Variants in TMEM71 observed in about 807,000 individuals in gnomAD.
TMEM71 encodes transmembrane protein 71.
In TMEM71, 44 loss-of-function variants were observed where a neutral mutation model predicts 38.0. That is an observed-to-expected ratio of 1.16 (90% confidence interval 0.91 to 1.49). The LOEUF is 1.49. Ranked by LOEUF, TMEM71 falls within the 40% of genes most tolerant of loss-of-function variation. TMEM71 has a pLI of 0.00. For synonymous variants in TMEM71, 133 were observed against 122.5 expected (o/e 1.09, Z -0.56); for missense variants, 367 against 348.6 (o/e 1.05, Z -0.42).
rs28505914 is a variant in TMEM71, at chr8:132,721,935, C to T, written c.752+105G>A. The T allele has an allele frequency of 6.8e-3, 6,641 of 980,284 alleles. 288 individuals are homozygous for T. In the African/African-American group the frequency reaches 0.092, roughly 14 times the overall value. The allele number at this position is 980,284 out of a possible 1,614,324, so 60.7% of individuals were successfully genotyped here. A position where few individuals can be genotyped will look rare whatever the true frequency, so the allele number is the denominator to read the frequency against. On this transcript the variant is annotated intron_variant, in intron 7 of 9. Transcript: ENST00000677595. Reference sequence around the variant, plus strand: ...CAGACACATGAACGAATCTCAACCACAGAGCTACCTAAAATGTTTTGTGGA... The same window carrying T: ...CAGACACATGAACGAATCTCAACCATAGAGCTACCTAAAATGTTTTGTGGA...
At chr8:132,735,379 C>T (rs1233191506) in intron 5 of TMEM71, among the ~76,000 whole-genome samples, 1 of 152,144 alleles carries the variant, frequency 6.6e-6, no homozygotes, top group African/African-American at 2.4e-5. Context: ...AACAGCAAAA[C>T]AATTTAATTT....
At chr8:132,764,566 C>T (rs951617009), upstream of TMEM71, among the ~76,000 whole-genome samples, 1 of 152,204 alleles carries the variant, frequency 6.6e-6, no homozygotes, top group Non-Finnish European at 1.5e-5. Context: ...CCTCAACAGG[C>T]CCCATCTGTC....
intron 7 of TMEM71, 26 bp from the exon 8 acceptor site, chr8:132,714,241 TA>T: frequency 6.4e-7 from 1 of 1,572,226 alleles, no homozygotes; most frequent in Non-Finnish European, 8.7e-7. Flanking sequence ...TGCTCTGATT[TA>T]GCATACTAAT....
At chr8:132,745,539 G>A (rs560719904) in intron 5 of TMEM71, among the ~76,000 whole-genome samples, 35 of 152,272 alleles carry the variant, frequency 2.3e-4, no homozygotes, top group African/African-American at 8.4e-4. Context: ...ATGTTGATGA[G>A]GCTGCAGAGA....
At chr8:132,716,373 G>A (rs933440323) in intron 7 of TMEM71, among the ~76,000 whole-genome samples, 3 of 152,202 alleles carry the variant, frequency 2.0e-5, no homozygotes, top group Admixed American at 6.5e-5. Context: ...TCAGAGTCAT[G>A]GCAGTGAAGA....
Position 132,722,120 on chromosome 8 carries a change from T to C in TMEM71, c.677-5A>G, listed in dbSNP as rs1380225701. The C allele has an allele frequency of 2.5e-6, 4 of 1,607,374 alleles. No homozygotes were observed. The highest frequency in any genetic ancestry group is 2.2e-5 in the East Asian group (1 of 44,704). On this transcript the variant is annotated splice_region_variant and splice_polypyrimidine_tract_variant and intron_variant, in intron 6 of 9. Coordinates refer to ENST00000677595, the MANE Select transcript of TMEM71 (RefSeq NM_001382403.1). ...CCTCTTGCAACAACCTGGTTTCTAA[T>C]AGGAAGAACAAAAACAAATAAATTA...
the TMEM71 span, among the ~76,000 whole-genome samples, chr8:132,766,910 T>C: frequency 6.6e-6 from 1 of 152,126 alleles, no homozygotes; most frequent in Non-Finnish European, 1.5e-5. Flanking sequence ...TCTACATCAA[T>C]GTGGTTTCTC....
chr8:132,713,637 T>C (rs1323455025), intron 9 of TMEM71, among the ~76,000 whole-genome samples: 1 of 152,196 alleles, frequency 6.6e-6, no homozygotes, highest in Non-Finnish European at 1.5e-5. Flanking sequence ...GTAACTGAGA[T>C]CATTTCATGG....
At chr8:132,758,177 G>A (rs2467960) in intron 2 of TMEM71, 55,300 of 152,016 alleles carry the variant, frequency 0.36, 10,638 homozygotes, top group Non-Finnish European at 0.44. Flanking sequence ...CCATTCATTC[G>A]TTCCATTTTA....
intron 5 of TMEM71, 47 bp from the exon 6 acceptor site, chr8:132,728,033 TG>T: frequency 7.1e-7 from 1 of 1,406,374 alleles, no homozygotes; most frequent in Non-Finnish European, 9.8e-7. Flanking sequence ...TGTGTGTGTG[TG>T]TGTGTGTGTG....
At chr8:132,766,664 G>A in the TMEM71 span, among the ~76,000 whole-genome samples, 1 of 152,052 alleles carries the variant, frequency 6.6e-6, no homozygotes, top group Non-Finnish European at 1.5e-5. Context: ...AGTGGCTTAA[G>A]CCTGTGGTCC....
intron 6 of TMEM71, among the ~76,000 whole-genome samples, chr8:132,722,438 C>A (rs1206092551): frequency 1.3e-5 from 2 of 152,146 alleles, no homozygotes; most frequent in African/African-American, 2.4e-5. Context: ...TGTAAGAAAT[C>A]TAATTCTGTC....
intron 5 of TMEM71, among the ~76,000 whole-genome samples, chr8:132,745,969 A>C (rs1296141682): frequency 2.0e-5 from 3 of 148,202 alleles, no homozygotes; most frequent in Admixed American, 6.9e-5. Context: ...TAAACAGTGG[A>C]TATTCATGAA....
chr8:132,707,770 G>T (rs1826114438), downstream of TMEM71, among the ~76,000 whole-genome samples: 1 of 152,054 alleles, frequency 6.6e-6, no homozygotes, highest in African/African-American at 2.4e-5. Flanking sequence ...CTAAAACAAG[G>T]CATTTGCCTT....
intron 9 of TMEM71, 150 bp downstream of exon 9, chr8:132,713,845 A>T: frequency 1.4e-6 from 1 of 701,530 alleles, no homozygotes; most frequent in African/African-American, 1.8e-5. Flanking sequence ...TAATACTATT[A>T]AATTTTAGCA....
chr8:132,766,305 G>C, the TMEM71 span, among the ~76,000 whole-genome samples: 1 of 151,040 alleles, frequency 6.6e-6, no homozygotes, highest in African/African-American at 2.4e-5. Context: ...CATATTGCAT[G>C]GTCAAGTTCA....
At chr8:132,723,054 T>A (rs182549891) in intron 6 of TMEM71, among the ~76,000 whole-genome samples, 1 of 152,220 alleles carries the variant, frequency 6.6e-6, no homozygotes, top group African/African-American at 2.4e-5. Context: ...ATGAATGCAT[T>A]TATTTTTGCT....
rs1829174409 is a variant in TMEM71 at position 132,758,821 on chromosome 8, A to G, written c.40+19T>C. On this transcript the variant is annotated intron_variant, in intron 2 of 9. Transcript: ENST00000677595. ...ATCGTTCAAAAGATAATTGCGTATC[A>G]CAGTTCTTCTACATTTACTTGCTAC... The G allele has an allele frequency of 6.2e-7, 1 of 1,609,828 alleles. No homozygotes were observed. Among genetic ancestry groups the G allele is most frequent in the Admixed American group, 1.7e-5 (1 of 59,950 alleles).
At chr8:132,725,658 C>G (rs945692497) in intron 6 of TMEM71, among the ~76,000 whole-genome samples, 4 of 152,180 alleles carry the variant, frequency 2.6e-5, no homozygotes, top group Admixed American at 1.3e-4. Context: ...GAGACCTTGT[C>G]CACCCAGGAC....
Sources: gnomAD v4.1 joint callset for allele counts (sites outside exome capture counted in the v4.1 genomes callset) on GRCh38, gnomAD v4.1.1 for gene constraint, MANE v1.5 for transcripts, NCBI Gene and HGNC (gene_info 2026-07-23, HGNC 2026-07-21) for gene names.